The following TRAPPC9 variants were observed in gnomAD, a reference collection of about 807,000 sequenced individuals.
The protein encoded by TRAPPC9 is trafficking protein particle complex subunit 9, also known as IKK2 binding protein.
Under a neutral mutation model 124.0 loss-of-function variants are expected in TRAPPC9, and 83 were observed. That is an observed-to-expected ratio of 0.67 (90% CI 0.56 to 0.80). The LOEUF is 0.80. Ranked by LOEUF, TRAPPC9 falls within the 30% of genes least tolerant of loss-of-function variation. The pLI, the probability that TRAPPC9 is intolerant of heterozygous loss-of-function variation, is 0.00. For missense variants in TRAPPC9, 1,302 were observed against 1,508.3 expected (o/e 0.86, Z 2.27); for synonymous variants, 638 against 617.5 (o/e 1.03, Z -0.49).
intron 12 of TRAPPC9, among the ~76,000 whole-genome samples, chr8:140,289,172 ATAGTGTGTGT>A (rs1461889625): frequency 8.2e-6 from 1 of 122,052 alleles, no homozygotes; most frequent in African/African-American, 3.4e-5. Context: ...AGATATATAT[ATAGTGTGTGT>A]GTGTGTGTGT....
At chr8:140,435,006 C>T in intron 4 of TRAPPC9, 106 bp downstream of exon 4, 1 of 1,508,286 alleles carries the variant, frequency 6.6e-7, no homozygotes, top group African/African-American at 1.4e-5. Context: ...ACAGATTTTA[C>T]AGTTTATTTA....
intron 21 of TRAPPC9, among the ~76,000 whole-genome samples, chr8:139,821,284 G>A (rs1825235314): frequency 6.6e-6 from 1 of 152,260 alleles, no homozygotes; most frequent in African/African-American, 2.4e-5. Flanking sequence ...GTTTCATTCG[G>A]TGGATGGCAA....
chr8:139,874,511 G>A (rs1345762026), intron 21 of TRAPPC9, among the ~76,000 whole-genome samples: 1 of 152,350 alleles, frequency 6.6e-6, no homozygotes, highest in South Asian at 2.1e-4. Context: ...AGGCACAAAC[G>A]TGTGGGGCCA....
chr8:140,204,917 G>C (rs2062885910), intron 17 of TRAPPC9, among the ~76,000 whole-genome samples: 1 of 152,262 alleles, frequency 6.6e-6, no homozygotes, highest in African/African-American at 2.4e-5. Flanking sequence ...AATCTTATCA[G>C]ACAATTCCAG....
chr8:140,451,343 C>A lies in TRAPPC9; in HGVS notation c.31G>T (p.Glu11Ter). 1 of 1,605,414 alleles carries A rather than the reference C, an allele frequency of 6.2e-7. No individual in the cohort carries two copies. Among genetic ancestry groups the A allele is most frequent in the East Asian group, 2.2e-5 (1 of 44,890 alleles). MSVPDYMQCA[E>*]DHQTLLVVVQ... is the part of the protein sequence containing the mutation. ...ACCACGAGCAGCGTCTGGTGGTCCT[C>A]AGCACACTGCATGTAGTCAGGGACG... The change falls in exon 2 of 23, where the codon GAG becomes TAG. Residue 11 changes from glutamate (E) to a stop codon, truncating the protein, a stop_gained. Coordinates refer to ENST00000438773, the MANE Select transcript of TRAPPC9 (RefSeq NM_001160372.4). LOFTEE classifies it high-confidence loss of function.
intron 17 of TRAPPC9, among the ~76,000 whole-genome samples, chr8:140,203,657 G>A (rs1424183578): frequency 2.0e-5 from 3 of 152,350 alleles, no homozygotes; most frequent in Middle Eastern, 3.4e-3. Context: ...CAAGCACAAG[G>A]TAAATTCCGC....
Position 140,360,132 on chromosome 8 carries a change from G to A in TRAPPC9, c.1413C>T (p.Ser471=), listed in dbSNP as rs1304721334. Residue 471 remains serine (S), a synonymous_variant, in exon 9 of 23, where the codon TCC becomes TCT. Transcript: ENST00000438773. ...AGAGGGCAGGGTTCCCCATCCTTCG[G>A]GAGGCGTAGACCAATTCATGGAGCA... ...MRLLHELVYA[S]RRMGNPALSV... is the part of the protein sequence containing the mutation. 8.1e-6 allele frequency: 13 copies of A among 1,614,094 alleles called. No homozygotes were observed. Among genetic ancestry groups the A allele is most frequent in the Non-Finnish European group, 1.1e-5 (13 of 1,180,052 alleles).
intron 17 of TRAPPC9, among the ~76,000 whole-genome samples, chr8:140,176,986 T>A (rs1039270088): frequency 3.3e-5 from 5 of 152,246 alleles, no homozygotes; most frequent in African/African-American, 9.6e-5. Flanking sequence ...TGCCTATTTT[T>A]AAAATCTAGT....
chr8:139,923,075 C>T (rs935699314), intron 19 of TRAPPC9, among the ~76,000 whole-genome samples: 7 of 150,906 alleles, frequency 4.6e-5, no homozygotes, highest in African/African-American at 1.7e-4. Context: ...ACTGGTAAGC[C>T]AGCTAAAACA....
intron 15 of TRAPPC9, among the ~76,000 whole-genome samples, chr8:140,265,237 AC>A (rs1161132806): frequency 6.6e-6 from 1 of 152,186 alleles, no homozygotes; most frequent in African/African-American, 2.4e-5. Flanking sequence ...TCAAAGTCCC[AC>A]CTTCAGAATG....
Position 140,070,229 on chromosome 8 carries a change from C to T in TRAPPC9, c.2557-46150G>A, listed in dbSNP as rs930860622. Among the ~76,000 whole-genome samples, 11 of 152,198 alleles carry T rather than the reference C, an allele frequency of 7.2e-5. No homozygotes were observed. The South Asian group carries it at 1.0e-3, about 14-fold the overall frequency. ...AAATACACTTGGAAGGGCATCTTCACGCATACCTTTTTTTCTACTTTTGAA... is the reference window on the plus strand; with the variant it reads ...AAATACACTTGGAAGGGCATCTTCATGCATACCTTTTTTTCTACTTTTGAA... On this transcript the variant is annotated intron_variant, in intron 17 of 22. Transcript: ENST00000438773.
intron 17 of TRAPPC9, among the ~76,000 whole-genome samples, chr8:140,129,269 G>C (rs531682385): frequency 1.9e-4 from 29 of 152,232 alleles, no homozygotes; most frequent in African/African-American, 7.0e-4. Context: ...GCTCGGGTGT[G>C]TCTGGCCCCT....
intron 19 of TRAPPC9, among the ~76,000 whole-genome samples, chr8:139,927,222 TG>T (rs1832870038): frequency 6.6e-6 from 1 of 151,734 alleles, no homozygotes; most frequent in African/African-American, 2.4e-5. Context: ...GATGGGAGCA[TG>T]CAAGGGAATC....
At chr8:140,380,646 C>T in intron 7 of TRAPPC9, among the ~76,000 whole-genome samples, 1 of 110,742 alleles carries the variant, frequency 9.0e-6, no homozygotes. Flanking sequence ...CAAAGAGAGA[C>T]TCTGTCTCAA....
At chr8:139,901,628 G>A (rs1396726802) in intron 20 of TRAPPC9, among the ~76,000 whole-genome samples, 1 of 152,220 alleles carries the variant, frequency 6.6e-6, no homozygotes, top group Non-Finnish European at 1.5e-5. Flanking sequence ...TCTGCATGGG[G>A]CGATGGGTAC....
chr8:140,294,710 C>T (rs535777999), intron 11 of TRAPPC9, among the ~76,000 whole-genome samples: 1 of 151,426 alleles, frequency 6.6e-6, no homozygotes. Flanking sequence ...CGGGTTCAAA[C>T]GAGTCTCCTG....
intron 21 of TRAPPC9, among the ~76,000 whole-genome samples, chr8:139,803,774 G>A (rs1047652758): frequency 1.3e-5 from 2 of 152,160 alleles, no homozygotes; most frequent in Non-Finnish European, 2.9e-5. Context: ...GATGCATCAC[G>A]CTGTCTAGTT....
intron 7 of TRAPPC9, among the ~76,000 whole-genome samples, chr8:140,374,642 C>G (rs1008493871): frequency 1.3e-5 from 2 of 151,980 alleles, no homozygotes; most frequent in African/African-American, 4.8e-5. Context: ...CATCACAAAT[C>G]TGGAAATGCC....
At chr8:139,744,301 C>G (rs1461765855) in intron 21 of TRAPPC9, among the ~76,000 whole-genome samples, 1 of 152,324 alleles carries the variant, frequency 6.6e-6, no homozygotes, top group African/African-American at 2.4e-5. Flanking sequence ...AGTGCACAGC[C>G]TGGGAGGTAT....
Sources: allele counts gnomAD v4.1 joint callset (sites outside exome capture counted in the v4.1 genomes callset), GRCh38; gene constraint gnomAD v4.1.1; transcripts MANE v1.5; gene names NCBI Gene and HGNC (gene_info 2026-07-23, HGNC 2026-07-21).